Variants in TPCN1 observed in about 807,000 individuals in gnomAD.
The protein encoded by TPCN1 is two pore segment channel 1, also known as two pore channel protein 1.
TPCN1 carries 52 observed loss-of-function variants against 108.8 expected under a neutral mutation model. That is an observed-to-expected ratio of 0.48 (90% CI 0.38 to 0.60). TPCN1 has a LOEUF of 0.60. Ranked by LOEUF, TPCN1 falls within the 20% of genes least tolerant of loss-of-function variation. The probability of loss-of-function intolerance (pLI) is 0.00; values close to 1 mark genes in which losing one functional copy is unlikely to be tolerated. For missense variants in TPCN1, 806 were observed against 1,072.8 expected, an observed-to-expected ratio of 0.75 and a Z score of 3.47; for synonymous variants, 446 against 433.7, an observed-to-expected ratio of 1.03 and a Z score of -0.35.
intron 26 of TPCN1, 45 bp downstream of exon 26, chr12:113,293,118 G>T (rs777332114): frequency 1.2e-6 from 2 of 1,603,002 alleles, no homozygotes; most frequent in South Asian, 2.2e-5. Context: ...GCAGGTTTCA[G>T]TGTGGGTGGC....
At chr12:113,286,385 G>A (rs1369620084) in intron 18 of TPCN1, among the ~76,000 whole-genome samples, 1 of 152,160 alleles carries the variant, frequency 6.6e-6, no homozygotes, top group African/African-American at 2.4e-5. Context: ...CAAGTTAACC[G>A]GCCTGTGAAG....
chr12:113,252,961 T>C (rs1435805150), intron 2 of TPCN1, among the ~76,000 whole-genome samples: 6 of 152,198 alleles, frequency 3.9e-5, no homozygotes, highest in Non-Finnish European at 5.9e-5. Context: ...AACTCCACTG[T>C]AGTGATGGAA....
chr12:113,226,681 C>A (rs1254222091), intron 1 of TPCN1, 47 bp from the exon 2 acceptor site: 7 of 1,380,754 alleles, frequency 5.1e-6, no homozygotes, highest in Non-Finnish European at 6.9e-6. Flanking sequence ...TCAGTCATGG[C>A]TGTATTTTAA....
Position 113,285,840 on chromosome 12 carries a change from G to C in TPCN1, c.1454-49G>C, listed in dbSNP as rs552458936. ...GAGCCTCAAAGAGGAGACCGAGCAT[G>C]GGGGAGGATGTGGCGGGGCTGCTGC... On this transcript the variant is annotated intron_variant, in intron 17 of 27. Transcript: ENST00000335509. 5 of 1,515,644 alleles carry C rather than the reference G, an allele frequency of 3.3e-6. No individual in the cohort carries two copies. The South Asian group carries it at 3.4e-5, about 10-fold the overall frequency. 93.9% of individuals were successfully genotyped at this position (1,515,644 alleles called of 1,614,324 possible).
intron 3 of TPCN1, among the ~76,000 whole-genome samples, chr12:113,265,762 T>G (rs1280270015): frequency 6.6e-6 from 1 of 151,792 alleles, no homozygotes; most frequent in Non-Finnish European, 1.5e-5. Context: ...CCTCCCAAAG[T>G]GTTGGGATTA....
In TPCN1 at chr12:113,290,142, C is replaced by A; in HGVS notation, c.1811C>A (p.Ala604Glu). 1.3e-6 allele frequency: 2 copies of A among 1,596,574 alleles called. No individual in the cohort carries two copies. The highest frequency in any genetic ancestry group is 1.7e-6 in the Non-Finnish European group (2 of 1,170,808). Residue 604 changes from alanine to glutamate, a missense_variant, in exon 22 of 28, where the codon GCA becomes GAA. By Grantham distance (107) the Ala-to-Glu change is moderately radical. Transcript: ENST00000335509. ...GCTCCGGCCAGCACGAGTACAGTGGCAGATGCCTACCGCTGGCGCAACCAC... is the reference window on the plus strand; with the variant it reads ...GCTCCGGCCAGCACGAGTACAGTGGAAGATGCCTACCGCTGGCGCAACCAC... Reference protein sequence around the residue: ...FPNCCNTSTVADAYRWRNHTV... With the variant: ...FPNCCNTSTVEDAYRWRNHTV...
Position 113,296,013 on chromosome 12 carries a change from C to T in TPCN1, c.2388C>T (p.Ser796=). The T allele has an allele frequency of 1.2e-6, 2 of 1,613,024 alleles. No individual in the cohort carries two copies. Among genetic ancestry groups the T allele is most frequent in the East Asian group, 2.2e-5 (1 of 44,872 alleles). The change falls in exon 28 of 28, where the codon AGC becomes AGT. Residue 796 remains serine (S), a synonymous_variant. Coordinates refer to ENST00000335509, the MANE Select transcript of TPCN1 (RefSeq NM_017901.6). ...AAGAGCAGCAGCGACAACTCAGCAG[C>T]AGTGCAGCCCCCGCCGCCCAGCAGC... ...REQEQQRQLS[S]SAAPAAQQPP...
chr12:113,233,524 C>T (rs911656712), intron 2 of TPCN1, among the ~76,000 whole-genome samples: 1 of 152,246 alleles, frequency 6.6e-6, no homozygotes, highest in Non-Finnish European at 1.5e-5. Context: ...AGCCCCCACG[C>T]CGCCTTCCTG....
intron 1 of TPCN1, among the ~76,000 whole-genome samples, chr12:113,223,324 A>G (rs1160673581): frequency 2.0e-5 from 3 of 152,116 alleles, no homozygotes; most frequent in Non-Finnish European, 4.4e-5. Context: ...CTCAGCTGCC[A>G]TTGACTAGGT....
At chr12:113,248,093 A>G (rs1954472739) in intron 2 of TPCN1, among the ~76,000 whole-genome samples, 1 of 152,256 alleles carries the variant, frequency 6.6e-6, no homozygotes, top group South Asian at 2.1e-4. Flanking sequence ...TACAAATACA[A>G]ACTTACCACA....
chr12:113,273,412 G>T lies in TPCN1; in HGVS notation c.842+122G>T. ...GGTGCTGTGGTGCTATTGGGAGACA[G>T]GGTTGGCCCACTGAGCACGGAGCCC... On this transcript the variant is annotated intron_variant, in intron 9 of 27. Coordinates refer to ENST00000335509, the MANE Select transcript of TPCN1 (RefSeq NM_017901.6). This position sits in a 1 kb window ranked among gnomAD's most constrained non-coding sequence, Gnocchi z 4.0. 22 of 1,324,068 alleles carry T rather than the reference G, an allele frequency of 1.7e-5. No individual in the cohort carries two copies. The South Asian group carries it at 2.6e-4, about 16-fold the overall frequency. The allele number at this position is 1,324,068 out of a possible 1,614,324, so 82.0% of individuals were successfully genotyped here.
intron 7 of TPCN1, among the ~76,000 whole-genome samples, chr12:113,270,480 G>GT (rs1464822528): frequency 1.0e-4 from 15 of 149,570 alleles, no homozygotes; most frequent in African/African-American, 3.2e-4. Context: ...TGTTTGTTTT[G>GT]TTTTGTTTTT....
intron 2 of TPCN1, among the ~76,000 whole-genome samples, chr12:113,247,561 G>A (rs61943595): frequency 0.049 from 7,529 of 152,302 alleles, 265 homozygotes; most frequent in Middle Eastern, 0.068. Context: ...AGCAGACAGG[G>A]CAGGGGATTA....
At chr12:113,249,340 G>A (rs1954539238) in intron 2 of TPCN1, 1 of 152,260 alleles carries the variant, frequency 6.6e-6, no homozygotes, top group African/African-American at 2.4e-5. Context: ...CAGACAGTGG[G>A]TCAGCGGAGC....
Position 113,231,992 on chromosome 12 carries a change from ACT to A in TPCN1, c.112+5031_112+5032del, listed in dbSNP as rs1332472445. ...GCAGTCCAAGGAATTTCCCAGGGTA[ACT>A]CTGGTCACACTCAGCTCTGCCTTCT... On this transcript the variant is annotated intron_variant, in intron 2 of 27. Coordinates refer to ENST00000335509, the MANE Select transcript of TPCN1 (RefSeq NM_017901.6). The surrounding 1 kb of genome is among the most constrained non-coding windows in gnomAD (Gnocchi z 4.3). Among the ~76,000 whole-genome samples the A allele has an allele frequency of 6.6e-6, 1 of 152,072 alleles. No individual in the cohort carries two copies. Among genetic ancestry groups the A allele is most frequent in the Non-Finnish European group, 1.5e-5 (1 of 68,016 alleles).
intron 2 of TPCN1, among the ~76,000 whole-genome samples, chr12:113,248,788 T>G (rs73192822): frequency 6.6e-6 from 1 of 152,040 alleles, no homozygotes; most frequent in African/African-American, 2.4e-5. Flanking sequence ...CTTTAGGATT[T>G]TTGTTATATT....
intron 2 of TPCN1, among the ~76,000 whole-genome samples, chr12:113,233,350 G>A (rs1217807965): frequency 1.3e-5 from 2 of 152,248 alleles, no homozygotes; most frequent in South Asian, 2.1e-4. Context: ...AGCCAGAACC[G>A]TGAACTTCTC....
rs987971229 is a variant in TPCN1 at position 113,293,274 on chromosome 12, T to C, written c.2259T>C (p.His753=). ...TLSQMERYQQ[H]SMVFLGRRSR... ...CAGCCTCTGCTCTTCCTTAGCAACA[T>C]TCCATGGTGTTTCTGGGACGGCGAT... is the stretch of plus-strand genomic sequence containing the variant. Residue 753 remains histidine (H), a synonymous_variant, in exon 27 of 28, where the codon CAT becomes CAC. Transcript: ENST00000335509. 2 of 1,613,982 alleles carry C rather than the reference T, an allele frequency of 1.2e-6. No individual in the cohort carries two copies. The highest frequency in any genetic ancestry group is 1.7e-6 in the Non-Finnish European group (2 of 1,179,998).
chr12:113,243,229 G>T (rs1040710318), intron 2 of TPCN1, among the ~76,000 whole-genome samples: 2 of 152,106 alleles, frequency 1.3e-5, no homozygotes, highest in Admixed American at 6.6e-5. Flanking sequence ...AATTAGCCAG[G>T]CCTGATGGCG....
Sources: allele counts gnomAD v4.1 joint callset (sites outside exome capture counted in the v4.1 genomes callset), GRCh38; gene constraint gnomAD v4.1.1; non-coding constraint Gnocchi (gnomAD v3.1); transcripts MANE v1.5; gene names NCBI Gene and HGNC (gene_info 2026-07-23, HGNC 2026-07-21).